PRKCE: variants seen among roughly 807,000 people sequenced by gnomAD.
The protein encoded by PRKCE is protein kinase C epsilon type.
A neutral mutation model predicts 85.4 loss-of-function variants in PRKCE; 16 were observed. That is an observed-to-expected ratio of 0.19 (90% CI 0.13 to 0.28). The LOEUF (loss-of-function observed/expected upper bound fraction) is 0.28. Among genes scored for constraint, PRKCE ranks in the 10% least tolerant of loss-of-function variants. The pLI is 1.00. For synonymous variants in PRKCE, 388 were observed against 371.5 expected (o/e 1.04, Z -0.51); for missense variants, 573 against 975.2 (o/e 0.59, Z 5.49).
At position 45,935,060 on chromosome 2, in the gene PRKCE, C is replaced by G. The variant is rs944358099; in HGVS notation, c.413-41369C>G. On this transcript the variant is annotated intron_variant, in intron 2 of 14. Coordinates refer to ENST00000306156, the MANE Select transcript of PRKCE (RefSeq NM_005400.3). ...TGGGCAGCAAAGCGAGACACTCACT[C>G]TCTCTCTCACACACACACACACACA... Among the ~76,000 whole-genome samples, 10 of 102,848 alleles carry G rather than the reference C, an allele frequency of 9.7e-5. No individual in the cohort carries two copies. In the East Asian group the frequency reaches 2.4e-3, roughly 25 times the overall value. 67.5% of individuals were successfully genotyped at this position (102,848 alleles called of 152,430 possible).
At chr2:45,843,368 G>A (rs575379593) in intron 2 of PRKCE, among the ~76,000 whole-genome samples, 6 of 152,316 alleles carry the variant, frequency 3.9e-5, no homozygotes, top group East Asian at 1.9e-4. Context: ...GGAGGCTTGC[G>A]TGGGGTTTGT....
chr2:46,051,938 G>A lies in PRKCE; in HGVS notation c.1438-34270G>A, dbSNP rs140354553. ...CTGCCTTATGAAGCCATCAGATCTC[G>A]TGAGAAGTCACTATCACAAGAACAG... On this transcript the variant is annotated intron_variant, in intron 10 of 14. Transcript: ENST00000306156. Among the ~76,000 whole-genome samples, 232 of 152,238 alleles carry A rather than the reference G, an allele frequency of 1.5e-3. 1 individual carries two copies. Among genetic ancestry groups the A allele is most frequent in the African/African-American group, 5.1e-3 (210 of 41,538 alleles).
intron 11 of PRKCE, among the ~76,000 whole-genome samples, chr2:46,102,524 G>A (rs1403837558): frequency 6.6e-6 from 1 of 152,098 alleles, no homozygotes; most frequent in Non-Finnish European, 1.5e-5. Context: ...TATTAACTAA[G>A]CCCATATTTT....
chr2:45,697,362 C>T lies in PRKCE; in HGVS notation c.348+44914C>T, dbSNP rs927637358. Among the ~76,000 whole-genome samples the T allele has an allele frequency of 2.0e-5, 3 of 150,794 alleles. No individual in the cohort carries two copies. In the South Asian group the frequency reaches 6.4e-4, roughly 32 times the overall value. ...TGGCTGACGCTGTTGCCCTCTCTGCCTCTTAATGGCGCTCTGACCTTCTAT... is the reference window on the plus strand; with the variant it reads ...TGGCTGACGCTGTTGCCCTCTCTGCTTCTTAATGGCGCTCTGACCTTCTAT... On this transcript the variant is annotated intron_variant, in intron 1 of 14. Coordinates refer to ENST00000306156, the MANE Select transcript of PRKCE (RefSeq NM_005400.3). The surrounding 1 kb of genome is among the most constrained non-coding windows in gnomAD (Gnocchi z 4.2).
Position 46,146,592 on chromosome 2 carries a change from G to A in PRKCE, c.1731+1361G>A, listed in dbSNP as rs1156966093. ...GGATTTCCTTTGACGGAAGGGGTGG[G>A]GAGGGTATTCCTGAAAACAACAGGA... On this transcript the variant is annotated intron_variant, in intron 12 of 14. Coordinates refer to ENST00000306156, the MANE Select transcript of PRKCE (RefSeq NM_005400.3). 3.9e-5 allele frequency among the ~76,000 whole-genome samples: 6 copies of A among 152,204 alleles called. No individual in the cohort carries two copies. The East Asian group carries it at 1.2e-3, about 29-fold the overall frequency.
intron 1 of PRKCE, among the ~76,000 whole-genome samples, chr2:45,780,330 A>G (rs1485767766): frequency 6.6e-6 from 1 of 152,102 alleles, no homozygotes; most frequent in Non-Finnish European, 1.5e-5. Context: ...TGTTGAAGAA[A>G]CTAGTCATTG....
intron 1 of PRKCE, among the ~76,000 whole-genome samples, chr2:45,654,537 G>A (rs1173875238): frequency 2.0e-5 from 3 of 152,218 alleles, no homozygotes; most frequent in African/African-American, 7.2e-5. Flanking sequence ...TGTCTGATGG[G>A]GAGCCGAGCC....
chr2:45,758,437 A>T (rs1191227104), intron 1 of PRKCE, among the ~76,000 whole-genome samples: 7 of 152,348 alleles, frequency 4.6e-5, no homozygotes, highest in Non-Finnish European at 4.4e-5. Context: ...ACCCCTAAAC[A>T]AAAGTTTGAG....
At chr2:46,083,143 G>T (rs780099304) in intron 10 of PRKCE, among the ~76,000 whole-genome samples, 7 of 152,176 alleles carry the variant, frequency 4.6e-5, no homozygotes, top group Non-Finnish European at 8.8e-5. Context: ...TATAGACAGG[G>T]TTTCGCCATG....
At chr2:46,059,859 G>A (rs375390333) in intron 10 of PRKCE, among the ~76,000 whole-genome samples, 1 of 152,138 alleles carries the variant, frequency 6.6e-6, no homozygotes, top group Non-Finnish European at 1.5e-5. Context: ...TGGGCCATTT[G>A]CTTACTACTT....
chr2:46,135,411 G>C (rs943225260), intron 11 of PRKCE, among the ~76,000 whole-genome samples: 1 of 152,198 alleles, frequency 6.6e-6, no homozygotes, highest in Non-Finnish European at 1.5e-5. Context: ...CACCACCTGT[G>C]TGTCCTGGGC....
rs547615242 is a variant in PRKCE at position 46,010,962 on chromosome 2, T to G, written c.1437+445T>G. On this transcript the variant is annotated intron_variant, in intron 10 of 14. Transcript: ENST00000306156. ...ATCTGAAATAAAGGATGTGAACAAA[T>G]GCTTAAAATTTCATAGTGAAACACA... 2.2e-5 allele frequency: 30 copies of G among 1,394,960 alleles called. No homozygotes were observed. In the South Asian group the frequency reaches 4.7e-4, roughly 22 times the overall value. The allele number at this position is 1,394,960 out of a possible 1,614,324, so 86.4% of individuals were successfully genotyped here.
chr2:45,713,839 G>A lies in PRKCE; in HGVS notation c.348+61391G>A, dbSNP rs1573030937. ...CACCTGTTTCAGAAGTAGGTCTGTG[G>A]TTATAACAGAGAGATACCCATAACA... On this transcript the variant is annotated intron_variant, in intron 1 of 14. Transcript: ENST00000306156. 3.3e-5 allele frequency among the ~76,000 whole-genome samples: 5 copies of A among 152,282 alleles called. No individual in the cohort carries two copies. In the South Asian group the frequency reaches 1.0e-3, roughly 32 times the overall value.
rs778791705 is a variant in PRKCE at position 45,980,315 on chromosome 2, C to T, written c.627C>T (p.His209=). Residue 209 remains histidine, a synonymous_variant, in exon 5 of 15, where the codon CAC becomes CAT. Coordinates refer to ENST00000306156, the MANE Select transcript of PRKCE (RefSeq NM_005400.3). ...YQCQVCTCVV[H]KRCHELIITK... ...TTGCAGTCTGCACCTGCGTGGTCCA[C>T]AAGCGGTGCCACGAGCTCATAATCA... The T allele has an allele frequency of 3.1e-6, 5 of 1,599,576 alleles. No individual in the cohort carries two copies. In the East Asian group the frequency reaches 1.1e-4, roughly 36 times the overall value.
intron 1 of PRKCE, among the ~76,000 whole-genome samples, chr2:45,715,246 A>G (rs1679992992): frequency 6.6e-6 from 1 of 152,200 alleles, no homozygotes; most frequent in Admixed American, 6.5e-5. Flanking sequence ...GGTCCACACA[A>G]TGGCATCTTT....
At chr2:45,876,427 G>T (rs867584142) in intron 2 of PRKCE, among the ~76,000 whole-genome samples, 1 of 152,138 alleles carries the variant, frequency 6.6e-6, no homozygotes, top group African/African-American at 2.4e-5. Context: ...GTACTTAAAA[G>T]CACTAGCTCT....
intron 11 of PRKCE, among the ~76,000 whole-genome samples, chr2:46,104,122 C>T (rs1287189993): frequency 6.6e-6 from 1 of 152,136 alleles, no homozygotes; most frequent in Non-Finnish European, 1.5e-5. Context: ...TGCCAGATTG[C>T]CTAATGTCAG....
chr2:45,671,079 G>A (rs1197713464), intron 1 of PRKCE, among the ~76,000 whole-genome samples: 1 of 152,226 alleles, frequency 6.6e-6, no homozygotes, highest in Non-Finnish European at 1.5e-5. Flanking sequence ...GCACTGGAGA[G>A]TTTTGTACCT....
intron 2 of PRKCE, among the ~76,000 whole-genome samples, chr2:45,890,465 CA>C (rs1695640175): frequency 6.6e-6 from 1 of 151,088 alleles, no homozygotes; most frequent in Non-Finnish European, 1.5e-5. Context: ...CTGCAACGGT[CA>C]CCTCCCAGGT....
Sources: gnomAD v4.1 joint callset for allele counts (sites outside exome capture counted in the v4.1 genomes callset) on GRCh38, gnomAD v4.1.1 for gene constraint, Gnocchi (gnomAD v3.1) non-coding constraint, MANE v1.5 for transcripts, NCBI Gene and HGNC (gene_info 2026-07-23, HGNC 2026-07-21) for gene names.